Variants in SPINT1 observed in about 807,000 individuals in gnomAD.
SPINT1 encodes the protein kunitz-type protease inhibitor 1.
A neutral mutation model predicts 53.7 loss-of-function variants in SPINT1; 38 were observed. The observed-to-expected ratio is 0.71, with a 90% CI of 0.55 to 0.93. The LOEUF (loss-of-function observed/expected upper bound fraction) is 0.93. SPINT1 is among the 40% of genes least tolerant of loss of function. The pLI, the probability that SPINT1 is intolerant of heterozygous loss-of-function variation, is 0.00. For missense variants in SPINT1, 645 were observed against 692.9 expected, an observed-to-expected ratio of 0.93 and a Z score of 0.78; for synonymous variants, 283 against 280.6, an observed-to-expected ratio of 1.01 and a Z score of -0.08.
intron 2 of SPINT1, among the ~76,000 whole-genome samples, chr15:40,848,994 C>T (rs1407518239): frequency 6.7e-6 from 1 of 149,904 alleles, no homozygotes; most frequent in African/African-American, 2.5e-5. Flanking sequence ...CGCCTGTAAT[C>T]CCAGAACTTT....
chr15:40,849,346 A>C (rs1043665821), intron 2 of SPINT1, among the ~76,000 whole-genome samples: 1 of 152,108 alleles, frequency 6.6e-6, no homozygotes, highest in African/African-American at 2.4e-5. Context: ...TCACAGGCTC[A>C]AGCGATCCTC....
In SPINT1 at chr15:40,857,002, G is replaced by A. The variant is rs749661933; in HGVS notation, c.*27G>A. On this transcript the variant is annotated 3_prime_UTR_variant, in exon 11 of 11. Coordinates refer to ENST00000562057, the MANE Select transcript of SPINT1 (RefSeq NM_003710.4). ...CCTGGGTCTCACCGGCTCTCACCTG[G>A]CCCTGCTTCCTGCTTGCCAAGGCAG... The A allele has an allele frequency of 8.7e-6, 14 of 1,609,000 alleles. No individual in the cohort carries two copies. The highest frequency in any genetic ancestry group is 3.3e-4 in the Middle Eastern group (2 of 6,046).
chr15:40,853,105 C>T lies in SPINT1; in HGVS notation c.476-19C>T. Reference sequence around the variant, plus strand: ...CATCTAGTGAGAATTGACCTTATCTCACTTTCTCTCCCCGCCAGGGTCTGG... The same window carrying T: ...CATCTAGTGAGAATTGACCTTATCTTACTTTCTCTCCCCGCCAGGGTCTGG... On this transcript the variant is annotated intron_variant, in intron 2 of 10. Transcript: ENST00000562057. 6.2e-7 allele frequency: 1 copy of T among 1,611,604 alleles called. No homozygotes were observed. Among genetic ancestry groups the T allele is most frequent in the Non-Finnish European group, 8.5e-7 (1 of 1,178,804 alleles).
chr15:40,855,436 A>C (rs1239737918), intron 8 of SPINT1, among the ~76,000 whole-genome samples: 1 of 148,942 alleles, frequency 6.7e-6, no homozygotes, highest in Non-Finnish European at 1.5e-5. Context: ...CAAGGCTCAG[A>C]CCCTGAGGCC....
At chr15:40,847,966 C>A (rs1308303291) in intron 2 of SPINT1, among the ~76,000 whole-genome samples, 2 of 152,104 alleles carry the variant, frequency 1.3e-5, no homozygotes, top group African/African-American at 4.8e-5. Flanking sequence ...AGGGTACTCT[C>A]CTGTTTGTCA....
intron 2 of SPINT1, among the ~76,000 whole-genome samples, chr15:40,847,802 A>C (rs1053137291): frequency 9.3e-4 from 142 of 152,174 alleles, no homozygotes; most frequent in African/African-American, 3.3e-3. Context: ...AGTCTGATGC[A>C]TCACTCTGCA....
chr15:40,849,781 C>T (rs1249696457), intron 2 of SPINT1, among the ~76,000 whole-genome samples: 1 of 152,218 alleles, frequency 6.6e-6, no homozygotes, highest in African/African-American at 2.4e-5. Context: ...TCAACTTTCT[C>T]ATCTGAAAAG....
chr15:40,849,040 A>G (rs972423471), intron 2 of SPINT1, among the ~76,000 whole-genome samples: 2 of 150,750 alleles, frequency 1.3e-5, no homozygotes, highest in African/African-American at 4.9e-5. Context: ...AGGTCGGGAG[A>G]TTGAGACCAT....
chr15:40,853,810 G>A lies in SPINT1; in HGVS notation c.842G>A (p.Gly281Glu), dbSNP rs1438863961. The change falls in exon 5 of 11, where the codon GGA becomes GAA. Residue 281 changes from glycine to glutamate, a missense_variant. Physicochemically the swap from Gly to Glu is moderately conservative, Grantham distance 98 (BLOSUM62 -2). Coordinates refer to ENST00000562057, the MANE Select transcript of SPINT1 (RefSeq NM_003710.4). ...TEQICKSFVY[G>E]GCLGNKNNYL... ...CAGATCTGCAAGAGTTTCGTTTATG[G>A]AGGCTGCTTGGGCAACAAGAACAAC... The A allele has an allele frequency of 6.2e-7, 1 of 1,614,230 alleles. No individual in the cohort carries two copies. The highest frequency in any genetic ancestry group is 1.1e-5 in the South Asian group (1 of 91,088).
In SPINT1 at chr15:40,853,605, G is replaced by A; in HGVS notation, c.720G>A (p.Val240=). 6.2e-7 allele frequency: 1 copy of A among 1,614,028 alleles called. No homozygotes were observed. Residue 240 remains valine (V), a synonymous_variant, in exon 4 of 11, where the codon GTG becomes GTA. Coordinates refer to ENST00000562057, the MANE Select transcript of SPINT1 (RefSeq NM_003710.4). ...PEDTANVTVT[V]LSTKQTEDYC... is the part of the protein sequence containing the mutation. Reference sequence around the variant, plus strand: ...ACACGGCCAACGTCACAGTCACTGTGCTGTCCACCAAGCAGACAGAAGGTG... The same window carrying A: ...ACACGGCCAACGTCACAGTCACTGTACTGTCCACCAAGCAGACAGAAGGTG...
At chr15:40,849,043 G>C (rs1270159004) in intron 2 of SPINT1, among the ~76,000 whole-genome samples, 1 of 151,652 alleles carries the variant, frequency 6.6e-6, no homozygotes, top group Admixed American at 6.6e-5. Flanking sequence ...TCGGGAGATT[G>C]AGACCATCCT....
intron 6 of SPINT1, 111 bp downstream of exon 6, chr15:40,854,197 T>C (rs77221247): frequency 4.3e-6 from 6 of 1,396,096 alleles, no homozygotes; most frequent in Admixed American, 2.3e-5. Context: ...CCCTCAGAGT[T>C]TGTGGAAGGA....
rs545760845 is a variant in SPINT1 at position 40,844,848 on chromosome 15, C to T, written c.294C>T (p.Asn98=). 92 of 1,613,894 alleles carry T rather than the reference C, an allele frequency of 5.7e-5. 2 individuals are homozygous for T. The South Asian group carries it at 1.0e-3, about 18-fold the overall frequency. Residue 98 remains asparagine (N), a synonymous_variant, in exon 2 of 11, where the codon AAC becomes AAT. Transcript: ENST00000562057. The surrounding 1 kb of genome is among the most constrained non-coding windows in gnomAD (Gnocchi z 5.8). The stretch of plus-strand genomic sequence containing the variant: ...CCTGCTGCACCACCCAGAACTGCAA[C>T]TTGGCGCTAGTGGAGCTGCAGCCCG... ...VRACCTTQNC[N]LALVELQPDR... is the part of the protein sequence containing the mutation.
chr15:40,845,110 C>A, intron 2 of SPINT1, 81 bp downstream of exon 2: 1 of 1,148,588 alleles, frequency 8.7e-7, no homozygotes, highest in Non-Finnish European at 1.2e-6. Flanking sequence ...AGACGAACAT[C>A]AGAGAGGAGT....
chr15:40,847,953 C>T (rs1366961119), intron 2 of SPINT1, among the ~76,000 whole-genome samples: 1 of 152,124 alleles, frequency 6.6e-6, no homozygotes, highest in African/African-American at 2.4e-5. Context: ...GGCAGGTGTT[C>T]TCAGGGTACT....
At chr15:40,845,889 C>G (rs570372336) in intron 2 of SPINT1, among the ~76,000 whole-genome samples, 2 of 152,264 alleles carry the variant, frequency 1.3e-5, no homozygotes, top group African/African-American at 2.4e-5. Flanking sequence ...CTCTCTACCC[C>G]CTAGGAATGC....
In SPINT1 at chr15:40,849,041, T is replaced by C. The variant is rs556124346; in HGVS notation, c.475+4012T>C. Reference sequence around the variant, plus strand: ...GCGGGCGGATCACGAGGTCGGGAGATTGAGACCATCCTGGCTAACACGGTG... The same window carrying C: ...GCGGGCGGATCACGAGGTCGGGAGACTGAGACCATCCTGGCTAACACGGTG... On this transcript the variant is annotated intron_variant, in intron 2 of 10. Transcript: ENST00000562057. Among the ~76,000 whole-genome samples, 9 of 151,652 alleles carry C rather than the reference T, an allele frequency of 5.9e-5. No homozygotes were observed. In the South Asian group the frequency reaches 6.2e-4, roughly 11 times the overall value.
At chr15:40,856,134 G>A (rs1891634431) in intron 9 of SPINT1, 72 bp downstream of exon 9, 29 of 1,596,520 alleles carry the variant, frequency 1.8e-5, no homozygotes, top group Non-Finnish European at 2.4e-5. Context: ...CTGTCCCCAG[G>A]CCTTTGGGAG....
Position 40,847,342 on chromosome 15 carries a change from A to G in SPINT1, c.475+2313A>G, listed in dbSNP as rs200165352. ...TGACAGGGTAGAGCCATTAAGGGCT[A>G]GGGTGGATGAGGTGGGTTGGGTGAC... On this transcript the variant is annotated intron_variant, in intron 2 of 10. Coordinates refer to ENST00000562057, the MANE Select transcript of SPINT1 (RefSeq NM_003710.4). Among the ~76,000 whole-genome samples the G allele has an allele frequency of 4.6e-5, 7 of 152,336 alleles. No homozygotes were observed. In the East Asian group the frequency reaches 1.3e-3, roughly 29 times the overall value.
Sources: gnomAD v4.1 joint callset for allele counts (sites outside exome capture counted in the v4.1 genomes callset) on GRCh38, gnomAD v4.1.1 for gene constraint, Gnocchi (gnomAD v3.1) non-coding constraint, MANE v1.5 for transcripts, NCBI Gene and HGNC (gene_info 2026-07-23, HGNC 2026-07-21) for gene names.